The following CFAP91 variants were observed in gnomAD, a reference collection of about 807,000 sequenced individuals.
The protein encoded by CFAP91 is cilia- and flagella-associated protein 91.
In CFAP91, 85 loss-of-function variants were observed where a neutral mutation model predicts 95.9. The ratio of observed to expected loss-of-function variants is 0.89; its 90% CI spans 0.74 to 1.06. The LOEUF (loss-of-function observed/expected upper bound fraction) is 1.06, where lower values mean the gene tolerates loss of function less well. Among genes scored for constraint, CFAP91 ranks in the 50% least tolerant of loss-of-function variants. The pLI is 0.00. For synonymous variants in CFAP91, 335 were observed against 327.5 expected, an observed-to-expected ratio of 1.02 and a Z score of -0.25; for missense variants, 962 against 943.4, an observed-to-expected ratio of 1.02 and a Z score of -0.26.
intron 16 of CFAP91, chr3:119,750,084 C>T (rs970417276): frequency 6.6e-6 from 1 of 152,134 alleles, no homozygotes; most frequent in African/African-American, 2.4e-5. Context: ...AACCATATTA[C>T]TGTGAAGTGC....
At chr3:119,758,046 A>AGTTT (rs1410191952) in intron 17 of CFAP91, among the ~76,000 whole-genome samples, 1 of 152,136 alleles carries the variant, frequency 6.6e-6, no homozygotes, top group African/African-American at 2.4e-5. Context: ...ATATGTGTGT[A>AGTTT]GTTTGTTTGT....
At chr3:119,737,547 A>G in intron 11 of CFAP91, 65 bp downstream of exon 11, 4 of 1,010,238 alleles carry the variant, frequency 4.0e-6, no homozygotes, top group Middle Eastern at 4.2e-4. Context: ...TTCTTAGGAT[A>G]GTTTAGCTTA....
chr3:119,727,628 G>A (rs868226303), intron 7 of CFAP91, among the ~76,000 whole-genome samples: 7 of 152,286 alleles, frequency 4.6e-5, no homozygotes, highest in South Asian at 2.1e-4. Flanking sequence ...GGCAGGGGGA[G>A]CAGGGAAGGT....
rs142456346 is a variant in CFAP91, at chr3:119,716,721, G to A, written c.682+978G>A. ...CCTGCCTCAGTCTCCCGAGTAGCTG[G>A]GAGTACAGGTGCATGCCACCACACC... On this transcript the variant is annotated intron_variant, in intron 6 of 17. Coordinates refer to ENST00000273390, the MANE Select transcript of CFAP91 (RefSeq NM_033364.4). 2.3e-3 allele frequency among the ~76,000 whole-genome samples: 350 copies of A among 152,214 alleles called. 2 individuals carry two copies. Among genetic ancestry groups the A allele is most frequent in the African/African-American group, 7.8e-3 (323 of 41,520 alleles).
chr3:119,744,856 TTTC>T (rs1421147563), intron 14 of CFAP91, among the ~76,000 whole-genome samples: 1 of 152,182 alleles, frequency 6.6e-6, no homozygotes, highest in Admixed American at 6.5e-5. Flanking sequence ...TCAACACACT[TTTC>T]TTCAAAAACA....
At chr3:119,739,150 G>A in intron 11 of CFAP91, 105 bp from the exon 12 acceptor site, 1 of 845,212 alleles carries the variant, frequency 1.2e-6, no homozygotes, top group South Asian at 1.5e-5. Context: ...AATCTTTTTG[G>A]CATCTAGCAC....
Position 119,756,864 on chromosome 3 carries a change from GA to G in CFAP91, c.*1+5769del, listed in dbSNP as rs1295697155. Among the ~76,000 whole-genome samples the G allele has an allele frequency of 1.9e-4, 29 of 152,092 alleles. 1 individual carries two copies. The highest frequency in any genetic ancestry group is 7.0e-4 in the African/African-American group (29 of 41,432). The stretch of plus-strand genomic sequence containing the variant: ...GAGAAAAAAGGAAACAGAACCAATA[GA>G]AAGCACTGAATAAAATGGTAGATGC... On this transcript the variant is annotated intron_variant, in intron 17 of 17. Transcript: ENST00000273390.
chr3:119,720,258 G>C (rs10049388), intron 6 of CFAP91, among the ~76,000 whole-genome samples: 138,467 of 149,852 alleles, frequency 0.92, 64,844 homozygotes, highest in East Asian at 1. Flanking sequence ...TTAGCTGGGC[G>C]CGGTGGCGGG....
At chr3:119,706,237 T>C (rs2053358402) in intron 1 of CFAP91, 1 of 152,570 alleles carries the variant, frequency 6.6e-6, no homozygotes, top group South Asian at 2.1e-4. Context: ...AGGGCAATAT[T>C]TTGTTGAACT....
chr3:119,740,742 C>G (rs2107899680), intron 13 of CFAP91, 47 bp downstream of exon 13: 1 of 1,574,976 alleles, frequency 6.3e-7, no homozygotes, highest in South Asian at 1.1e-5. Flanking sequence ...AAATTTTCTC[C>G]CTTGATTTTA....
At chr3:119,710,033 A>G (rs1381513880) in intron 5 of CFAP91, 138 bp downstream of exon 5, 1 of 672,538 alleles carries the variant, frequency 1.5e-6, no homozygotes. Flanking sequence ...GAAATCTTCT[A>G]GTGTGTCATG....
In CFAP91 at chr3:119,748,007, G is replaced by C. The variant is rs1425669429; in HGVS notation, c.2143+105G>C. ...ACAGAGGGATGAGGAAATTTCTAAAGGAGGATCACTGAGTTTTCTTATTTC... is the reference window on the plus strand; with the variant it reads ...ACAGAGGGATGAGGAAATTTCTAAACGAGGATCACTGAGTTTTCTTATTTC... On this transcript the variant is annotated intron_variant, in intron 16 of 17. Transcript: ENST00000273390. 9 of 840,794 alleles carry C rather than the reference G, an allele frequency of 1.1e-5. No homozygotes were observed. The Admixed American group carries it at 2.3e-4, about 22-fold the overall frequency. 52.1% of individuals were successfully genotyped at this position (840,794 alleles called of 1,614,324 possible).
chr3:119,730,808 C>CAT (rs1394330581), intron 8 of CFAP91, among the ~76,000 whole-genome samples: 2 of 151,962 alleles, frequency 1.3e-5, no homozygotes, highest in Non-Finnish European at 2.9e-5. Context: ...GCAGATATAA[C>CAT]ATATATATGT....
At chr3:119,759,938 C>T (rs114823311) in intron 17 of CFAP91, among the ~76,000 whole-genome samples, 170 of 151,866 alleles carry the variant, frequency 1.1e-3, no homozygotes, top group African/African-American at 3.5e-3. Flanking sequence ...CACCTAATTA[C>T]AAAGGAATAC....
intron 17 of CFAP91, among the ~76,000 whole-genome samples, chr3:119,762,716 G>A (rs923188353): frequency 6.6e-5 from 10 of 151,926 alleles, no homozygotes; most frequent in African/African-American, 2.4e-4. Flanking sequence ...ACACACAATG[G>A]GAAAAGGACA....
intron 17 of CFAP91, among the ~76,000 whole-genome samples, chr3:119,755,462 C>T (rs1417442070): frequency 6.6e-6 from 1 of 152,104 alleles, no homozygotes; most frequent in Non-Finnish European, 1.5e-5. Flanking sequence ...AGTGCTTCTC[C>T]TCTCCTTCTT....
At chr3:119,715,897 A>T (rs1178956987) in intron 6 of CFAP91, 154 bp downstream of exon 6, 2 of 637,072 alleles carry the variant, frequency 3.1e-6, no homozygotes, top group East Asian at 5.4e-5. Flanking sequence ...TTTTTCTGAT[A>T]CTTCTGGTCA....
chr3:119,727,790 C>G (rs1236632293), intron 7 of CFAP91, among the ~76,000 whole-genome samples: 2 of 152,146 alleles, frequency 1.3e-5, no homozygotes, highest in African/African-American at 4.8e-5. Flanking sequence ...AGAAAGAAAA[C>G]TACTAAGAGG....
intron 8 of CFAP91, among the ~76,000 whole-genome samples, chr3:119,731,646 C>CTT (rs2107886730): frequency 6.6e-6 from 1 of 152,312 alleles, no homozygotes; most frequent in African/African-American, 2.4e-5. Context: ...TGCAGCATGA[C>CTT]GTCACGATCT....
Sources: allele counts gnomAD v4.1 joint callset (sites outside exome capture counted in the v4.1 genomes callset), GRCh38; gene constraint gnomAD v4.1.1; transcripts MANE v1.5; gene names NCBI Gene and HGNC (gene_info 2026-07-23, HGNC 2026-07-21).